Variants in PAFAH2 observed in about 807,000 individuals in gnomAD.
The protein encoded by PAFAH2 is platelet-activating factor acetylhydrolase 2, cytoplasmic.
In PAFAH2, 42 loss-of-function variants were observed where a neutral mutation model predicts 49.0. The observed-to-expected ratio is 0.86, with a 90% CI of 0.67 to 1.11. PAFAH2 has a LOEUF of 1.11. PAFAH2 is among the 50% of genes least tolerant of loss of function. The pLI is 0.00. For missense variants in PAFAH2, 503 were observed against 501.8 expected (o/e 1.00, Z -0.02); for synonymous variants, 184 against 181.3 (o/e 1.01, Z -0.12).
rs887473957 is a variant in PAFAH2, at chr1:25,983,404, A to T, written c.552+542T>A. ...TGTCCCAAAAAAATAAAAATAAAAA[A>T]AAATTAGCTGCGCATAGTGGTGCAT... On this transcript the variant is annotated intron_variant, in intron 6 of 10. Transcript: ENST00000374282. Among the ~76,000 whole-genome samples the T allele has an allele frequency of 6.6e-5, 10 of 151,982 alleles. No homozygotes were observed. The East Asian group carries it at 9.6e-4, about 15-fold the overall frequency.
intron 10 of PAFAH2, among the ~76,000 whole-genome samples, chr1:25,962,506 G>A (rs2049353753): frequency 6.6e-6 from 1 of 152,094 alleles, no homozygotes; most frequent in Non-Finnish European, 1.5e-5. Context: ...AAGTGGTAGA[G>A]ACAGAATTCA....
At chr1:25,973,510 G>C (rs145094300) in intron 9 of PAFAH2, among the ~76,000 whole-genome samples, 1 of 152,170 alleles carries the variant, frequency 6.6e-6, no homozygotes, top group African/African-American at 2.4e-5. Flanking sequence ...ATTGCCAGGC[G>C]TTAAGTCCCC....
intron 1 of PAFAH2, among the ~76,000 whole-genome samples, chr1:25,991,729 C>A (rs1008851620): frequency 6.6e-6 from 1 of 151,820 alleles, no homozygotes; most frequent in Non-Finnish European, 1.5e-5. Context: ...CCCGTCTCTA[C>A]TAAAAATACA....
At chr1:25,981,741 C>G (rs534160433) in intron 7 of PAFAH2, among the ~76,000 whole-genome samples, 1 of 152,316 alleles carries the variant, frequency 6.6e-6, no homozygotes, top group Non-Finnish European at 1.5e-5. Flanking sequence ...GGAGCTGATG[C>G]CTGGCGTGGT....
Position 25,972,542 on chromosome 1 carries a change from CCA to C in PAFAH2, c.1084+14_1084+15del. ...GGACCCCACAGCTGCCCCAAGAGCC[CCA>C]GTTTTCTCCTTACCGAGGTGCTTCT... On this transcript the variant is annotated intron_variant, in intron 10 of 10. Transcript: ENST00000374282. 2 of 1,608,128 alleles carry C rather than the reference CCA, an allele frequency of 1.2e-6. No homozygotes were observed. Among genetic ancestry groups the C allele is most frequent in the Non-Finnish European group, 8.5e-7 (1 of 1,176,210 alleles).
intron 6 of PAFAH2, 103 bp from the exon 7 acceptor site, chr1:25,982,580 C>A: frequency 1.2e-6 from 1 of 856,300 alleles, no homozygotes; most frequent in Non-Finnish European, 1.9e-6. Flanking sequence ...ATAGTCTACC[C>A]ACCCACGCCT....
Position 25,989,282 on chromosome 1 carries a change from C to T in PAFAH2, c.244+166G>A, listed in dbSNP as rs546357981. Among the ~76,000 whole-genome samples the T allele has an allele frequency of 3.3e-5, 5 of 152,276 alleles. No homozygotes were observed. The East Asian group carries it at 9.6e-4, about 29-fold the overall frequency. ...AAAGTCTAACTCAGTCACCAAAGCTCTTTCATATGTAATTCTCTCCCAACT... is the reference window on the plus strand; with the variant it reads ...AAAGTCTAACTCAGTCACCAAAGCTTTTTCATATGTAATTCTCTCCCAACT... On this transcript the variant is annotated intron_variant, in intron 3 of 10. Transcript: ENST00000374282.
At position 25,989,581 on chromosome 1, in the gene PAFAH2, G is replaced by A; in HGVS notation, c.111C>T (p.Phe37=). 1 of 1,595,118 alleles carries A rather than the reference G, an allele frequency of 6.3e-7. No individual in the cohort carries two copies. The highest frequency in any genetic ancestry group is 1.8e-5 in the Admixed American group (1 of 56,140). The change falls in exon 3 of 11, where the codon TTC becomes TTT. Residue 37 remains phenylalanine, a synonymous_variant. Transcript: ENST00000374282. ...TCTCCTCTGCCTTTTGGCAGGGGTA[G>A]AAGAGTCGAAAGAAGCTCCCCTGTA... ...QNLQGSFFRL[F]YPCQKAEETM...
intron 10 of PAFAH2, among the ~76,000 whole-genome samples, chr1:25,965,958 A>G (rs914045213): frequency 2.0e-5 from 3 of 151,964 alleles, no homozygotes; most frequent in African/African-American, 7.2e-5. Context: ...TGGACAAAGG[A>G]CATGAATAGA....
At chr1:25,979,530 C>T (rs949897261) in intron 7 of PAFAH2, among the ~76,000 whole-genome samples, 3 of 152,084 alleles carry the variant, frequency 2.0e-5, no homozygotes, top group Admixed American at 2.0e-4. Flanking sequence ...TCTTGTTGCC[C>T]AGACTGGAGT....
chr1:25,972,470 G>A, intron 10 of PAFAH2, 88 bp downstream of exon 10: 1 of 1,412,542 alleles, frequency 7.1e-7, no homozygotes, highest in African/African-American at 1.4e-5. Flanking sequence ...CTCCTTCCCA[G>A]ATCCCAGACA....
rs546914565 is a variant in PAFAH2 at position 25,960,947 on chromosome 1, A to T, written c.*1042T>A. 2 of 152,132 alleles carry T rather than the reference A, an allele frequency of 1.3e-5. No individual in the cohort carries two copies. The highest frequency in any genetic ancestry group is 4.2e-4 in the South Asian group (2 of 4,810). The allele number at this position is 152,132 out of a possible 1,614,324, so 9.4% of individuals were successfully genotyped here. On this transcript the variant is annotated 3_prime_UTR_variant, in exon 11 of 11. Transcript: ENST00000374282. ...CAGCCTCCTGAGTAGCTGGGATTAT[A>T]GGCGCCTGCCATTACGCCAGGCTAA...
intron 8 of PAFAH2, among the ~76,000 whole-genome samples, chr1:25,975,703 C>T (rs893755010): frequency 2.0e-5 from 3 of 152,186 alleles, no homozygotes; most frequent in African/African-American, 7.2e-5. Context: ...TATCTCAATC[C>T]TGATGTAAAT....
intron 4 of PAFAH2, among the ~76,000 whole-genome samples, chr1:25,984,937 C>T (rs2049758829): frequency 6.6e-6 from 1 of 150,942 alleles, no homozygotes; most frequent in South Asian, 2.1e-4. Context: ...TCACTGCAAC[C>T]TCTGCCTCCC....
chr1:25,983,133 A>G (rs2049718439), intron 6 of PAFAH2, among the ~76,000 whole-genome samples: 1 of 152,028 alleles, frequency 6.6e-6, no homozygotes, highest in African/African-American at 2.4e-5. Flanking sequence ...GCTCACACCT[A>G]TATCTCCAGC....
intron 10 of PAFAH2, among the ~76,000 whole-genome samples, chr1:25,968,035 G>A (rs1186727208): frequency 1.3e-5 from 2 of 152,006 alleles, no homozygotes; most frequent in Non-Finnish European, 2.9e-5. Context: ...GCATGGTGGT[G>A]GGTGCCTGTA....
intron 10 of PAFAH2, among the ~76,000 whole-genome samples, chr1:25,971,640 C>G (rs932066000): frequency 6.6e-6 from 1 of 152,170 alleles, no homozygotes; most frequent in African/African-American, 2.4e-5. Context: ...ACCCTGATTT[C>G]TATAACTGCA....
intron 7 of PAFAH2, among the ~76,000 whole-genome samples, chr1:25,980,663 T>C (rs2049673176): frequency 6.7e-6 from 1 of 148,712 alleles, no homozygotes; most frequent in Non-Finnish European, 1.5e-5. Flanking sequence ...TATTCATATA[T>C]ATACACATAT....
At chr1:25,970,143 C>G (rs1398057918) in intron 10 of PAFAH2, among the ~76,000 whole-genome samples, 1 of 152,182 alleles carries the variant, frequency 6.6e-6, no homozygotes, top group African/African-American at 2.4e-5. Flanking sequence ...TGAATGCACT[C>G]AGGTCATCCA....
Sources: allele counts gnomAD v4.1 joint callset (sites outside exome capture counted in the v4.1 genomes callset), GRCh38; gene constraint gnomAD v4.1.1; transcripts MANE v1.5; gene names NCBI Gene and HGNC (gene_info 2026-07-23, HGNC 2026-07-21).